LETM2: variants seen among roughly 807,000 people sequenced by gnomAD.
LETM2 encodes leucine zipper and EF-hand containing transmembrane protein 2.
A neutral mutation model predicts 59.6 loss-of-function variants in LETM2; 58 were observed. The observed-to-expected ratio is 0.97, with a 90% confidence interval of 0.79 to 1.21. The LOEUF is 1.21. Among genes scored for constraint, LETM2 ranks in the 50% most tolerant of loss-of-function variants. LETM2 has a pLI of 0.00. For synonymous variants in LETM2, 199 were observed against 214.1 expected (o/e 0.93, Z 0.62); for missense variants, 572 against 575.7 (o/e 0.99, Z 0.07).
At chr8:38,398,962 C>T (rs1812927757) in intron 4 of LETM2, among the ~76,000 whole-genome samples, 1 of 151,978 alleles carries the variant, frequency 6.6e-6, no homozygotes, top group South Asian at 2.1e-4. Flanking sequence ...CTCAGGTGAT[C>T]CAGCTGCCTC....
intron 4 of LETM2, among the ~76,000 whole-genome samples, chr8:38,394,831 G>A (rs1256123184): frequency 6.8e-6 from 1 of 147,872 alleles, no homozygotes; most frequent in Non-Finnish European, 1.5e-5. Flanking sequence ...GGGTGACAGG[G>A]GGAGACCCTG....
chr8:38,405,772 G>A (rs1221454642), intron 8 of LETM2, among the ~76,000 whole-genome samples: 1 of 152,178 alleles, frequency 6.6e-6, no homozygotes, highest in East Asian at 1.9e-4. Context: ...CAGGGGCAAG[G>A]AAATCTTGGA....
rs770655981 is a variant in LETM2 at position 38,408,322 on chromosome 8, A to G, written c.*48A>G. On this transcript the variant is annotated 3_prime_UTR_variant, in exon 11 of 11. Coordinates refer to ENST00000379957, the MANE Select transcript of LETM2 (RefSeq NM_001286819.2). ...CACTCTCTTCAGCTTCCGGCCCTCA[A>G]CAGTGGCATCTGTAAAGGACCTCCC... The G allele has an allele frequency of 1.2e-5, 18 of 1,520,416 alleles. No homozygotes were observed. The Admixed American group carries it at 2.9e-4, about 25-fold the overall frequency. 94.2% of individuals were successfully genotyped at this position (1,520,416 alleles called of 1,614,324 possible).
intron 4 of LETM2, among the ~76,000 whole-genome samples, chr8:38,395,168 A>T (rs547675949): frequency 6.6e-6 from 1 of 152,352 alleles, no homozygotes; most frequent in South Asian, 2.1e-4. Context: ...AATTATGAAT[A>T]AAACTGCTAT....
At chr8:38,390,169 C>T (rs1812110242) in intron 2 of LETM2, among the ~76,000 whole-genome samples, 2 of 152,116 alleles carry the variant, frequency 1.3e-5, no homozygotes, top group South Asian at 4.2e-4. Context: ...CACCACTCTA[C>T]TCCAGCCTCG....
rs955928128 is a variant in LETM2 at position 38,408,549 on chromosome 8, G to GT, written c.*282dup. The stretch of plus-strand genomic sequence containing the variant: ...TATAAAGCCCACCCCCCATCATGTT[G>GT]TTTTTTTAGTTTCATGTGTACGTCC... On this transcript the variant is annotated 3_prime_UTR_variant, in exon 11 of 11. Transcript: ENST00000379957. 9.0e-5 allele frequency: 28 copies of GT among 311,436 alleles called. No homozygotes were observed. Among genetic ancestry groups the GT allele is most frequent in the African/African-American group, 3.9e-4 (18 of 46,438 alleles). 19.3% of individuals were successfully genotyped at this position (311,436 alleles called of 1,614,324 possible).
At chr8:38,391,201 A>AAC (rs1452939919) in intron 2 of LETM2, among the ~76,000 whole-genome samples, 5 of 142,932 alleles carry the variant, frequency 3.5e-5, no homozygotes, top group East Asian at 2.0e-4. Flanking sequence ...AAAAAAAACA[A>AAC]AAAAAAAAAC....
chr8:38,385,194 A>G (rs35422477), upstream of LETM2, among the ~76,000 whole-genome samples: 26,302 of 152,178 alleles, frequency 0.17, 2,958 homozygotes, highest in Admixed American at 0.28. Context: ...CAGTGGATCT[A>G]TTTGGTTATT....
intron 8 of LETM2, among the ~76,000 whole-genome samples, chr8:38,405,006 TCA>T (rs1301898649): frequency 1.3e-5 from 2 of 152,158 alleles, no homozygotes. Context: ...CTGAAGCCAC[TCA>T]GTTTTACCTC....
Position 38,402,508 on chromosome 8 carries a change from C to T in LETM2, c.985-17C>T, listed in dbSNP as rs371596569. 1.4e-5 allele frequency: 22 copies of T among 1,612,934 alleles called. No homozygotes were observed. Among genetic ancestry groups the T allele is most frequent in the Non-Finnish European group, 1.8e-5 (21 of 1,179,202 alleles). ...TGGAATCAAAAGTTCCAACTCCATC[C>T]CTTACATTTCTTTCAGATAATTGCC... On this transcript the variant is annotated splice_polypyrimidine_tract_variant and intron_variant, in intron 6 of 10. Coordinates refer to ENST00000379957, the MANE Select transcript of LETM2 (RefSeq NM_001286819.2).
At chr8:38,392,255 ACT>A (rs1346635160) in intron 2 of LETM2, among the ~76,000 whole-genome samples, 1 of 151,574 alleles carries the variant, frequency 6.6e-6, no homozygotes, top group Non-Finnish European at 1.5e-5. Flanking sequence ...TGAAAACCCG[ACT>A]CTACTAAAAA....
At chr8:38,389,045 C>T (rs528776202) in intron 2 of LETM2, among the ~76,000 whole-genome samples, 8 of 152,056 alleles carry the variant, frequency 5.3e-5, no homozygotes, top group Non-Finnish European at 1.0e-4. Context: ...GGATTAAAGG[C>T]GTGAGCCACT....
At chr8:38,396,631 G>A (rs996584927) in intron 4 of LETM2, among the ~76,000 whole-genome samples, 42 of 152,276 alleles carry the variant, frequency 2.8e-4, no homozygotes, top group African/African-American at 8.2e-4. Flanking sequence ...CAGGCTGGAT[G>A]CAGTGGCTCA....
rs1018045561 is a variant in LETM2, at chr8:38,409,249, G to C, written c.*975G>C. The C allele has an allele frequency of 6.6e-6, 1 of 152,236 alleles. No homozygotes were observed. Among genetic ancestry groups the C allele is most frequent in the African/African-American group, 2.4e-5 (1 of 41,470 alleles). The allele number at this position is 152,236 out of a possible 1,614,324, so 9.4% of individuals were successfully genotyped here. On this transcript the variant is annotated 3_prime_UTR_variant, in exon 11 of 11. Transcript: ENST00000379957. ...TTTCAGCCTGTAGGTGATAAAATTA[G>C]ATTTCTTTACTTGCTGTGGTTAGAC...
intron 6 of LETM2, among the ~76,000 whole-genome samples, chr8:38,401,338 T>C (rs998317770): frequency 1.3e-5 from 2 of 152,136 alleles, no homozygotes; most frequent in African/African-American, 4.8e-5. Flanking sequence ...GACTTCACCA[T>C]GTTGGCCAGG....
chr8:38,388,143 C>T (rs942345319), intron 2 of LETM2, 113 bp downstream of exon 2: 12 of 714,340 alleles, frequency 1.7e-5, no homozygotes, highest in Non-Finnish European at 2.3e-5. Context: ...TTCAATGGTG[C>T]AATCTCGGCT....
chr8:38,389,692 G>A (rs575726081), intron 2 of LETM2, among the ~76,000 whole-genome samples: 8 of 151,912 alleles, frequency 5.3e-5, no homozygotes, highest in South Asian at 4.2e-4. Flanking sequence ...AAGATAGCTC[G>A]AGCCCAGGAG....
intron 4 of LETM2, among the ~76,000 whole-genome samples, chr8:38,394,966 T>A (rs955397538): frequency 6.6e-6 from 1 of 152,168 alleles, no homozygotes; most frequent in Non-Finnish European, 1.5e-5. Context: ...TTTTCCAGAA[T>A]GTCATATAGT....
chr8:38,400,893 G>A lies in LETM2; in HGVS notation c.824G>A (p.Arg275His), dbSNP rs769707508. ...GHKPSTKEIV[R>H]FSKLFEDQLA... ...AAGCCCAGCACAAAGGAGATAGTTC[G>A]CTTCTCCAAACTATTTGAGGACCAG... The change falls in exon 6 of 11, where the codon CGC becomes CAC. Residue 275 changes from arginine (R) to histidine (H), a missense_variant. Arg to His is a conservative substitution (Grantham distance 29). Coordinates refer to ENST00000379957, the MANE Select transcript of LETM2 (RefSeq NM_001286819.2). 71 of 1,614,068 alleles carry A rather than the reference G, an allele frequency of 4.4e-5. No homozygotes were observed. The highest frequency in any genetic ancestry group is 2.4e-4 in the South Asian group (22 of 91,092).
Sources: allele counts gnomAD v4.1 joint callset (sites outside exome capture counted in the v4.1 genomes callset), GRCh38; gene constraint gnomAD v4.1.1; transcripts MANE v1.5; gene names NCBI Gene and HGNC (gene_info 2026-07-23, HGNC 2026-07-21).